The following PTPN3 variants were observed in gnomAD, a reference collection of about 807,000 sequenced individuals.
PTPN3 encodes the protein tyrosine-protein phosphatase non-receptor type 3.
Under a neutral mutation model 132.7 loss-of-function variants are expected in PTPN3, and 96 were observed. The ratio of observed to expected loss-of-function variants is 0.72; its 90% confidence interval spans 0.61 to 0.86. The LOEUF (loss-of-function observed/expected upper bound fraction) is 0.86, where lower values mean the gene tolerates loss of function less well. Among genes scored for constraint, PTPN3 ranks in the 40% least tolerant of loss-of-function variants. The probability of loss-of-function intolerance (pLI) is 0.00; values close to 1 mark genes in which losing one functional copy is unlikely to be tolerated. For missense variants in PTPN3, 1,125 were observed against 1,159.6 expected (o/e 0.97, Z 0.43); for synonymous variants, 398 against 429.0 (o/e 0.93, Z 0.89).
chr9:109,513,952 C>T, the PTPN3 span, among the ~76,000 whole-genome samples: 4 of 152,082 alleles, frequency 2.6e-5, no homozygotes, highest in Non-Finnish European at 5.9e-5. Context: ...CTGGGTGTTC[C>T]ACATGTACTT....
At chr9:109,381,854 A>G (rs750779146) in intron 24 of PTPN3, 67 bp from the exon 25 acceptor site, 51 of 1,585,604 alleles carry the variant, frequency 3.2e-5, no homozygotes, top group Non-Finnish European at 4.3e-5. Flanking sequence ...CCCAGCGAGC[A>G]GTTCCCCGCT....
chr9:109,457,603 C>G (rs1014229392), intron 2 of PTPN3, among the ~76,000 whole-genome samples: 2 of 151,616 alleles, frequency 1.3e-5, no homozygotes, highest in Non-Finnish European at 2.9e-5. Context: ...CAACACAAGA[C>G]AATACGAGTT....
the PTPN3 span, chr9:109,532,881 C>T: frequency 4.5e-6 from 5 of 1,108,444 alleles, no homozygotes; most frequent in Non-Finnish European, 6.0e-6. Context: ...TCTCAATTAT[C>T]AGCTGGTGGA....
chr9:109,404,519 C>T lies in PTPN3; in HGVS notation c.1882G>A (p.Asp628Asn), dbSNP rs1235067905. The change falls in exon 19 of 26, where the codon GAC (aspartate) becomes AAC (asparagine). Residue 628 changes from aspartate to asparagine, a missense_variant. Asp to Asn is a conservative substitution (Grantham distance 23). Transcript: ENST00000374541. Reference sequence around the variant, plus strand: ...TGTGCCATGGATCCCTCCAAAGTGTCCCCACCCTCCGGACACATGGGGAAA... The same window carrying T: ...TGTGCCATGGATCCCTCCAAAGTGTTCCCACCCTCCGGACACATGGGGAAA... ...AIFPMCPEGG[D>N]TLEGSMAQLK... 4.5e-6 allele frequency: 7 copies of T among 1,568,044 alleles called. No homozygotes were observed. Among genetic ancestry groups the T allele is most frequent in the African/African-American group, 1.3e-5 (1 of 74,508 alleles).
At chr9:109,494,116 C>G (rs1382651249) in intron 1 of PTPN3, among the ~76,000 whole-genome samples, 2 of 152,184 alleles carry the variant, frequency 1.3e-5, no homozygotes, top group Non-Finnish European at 2.9e-5. Flanking sequence ...AGGCCTGGCC[C>G]ATGTACAGAG....
intron 10 of PTPN3, among the ~76,000 whole-genome samples, chr9:109,431,672 T>C (rs2131899025): frequency 6.6e-6 from 1 of 152,344 alleles, no homozygotes; most frequent in Non-Finnish European, 1.5e-5. Flanking sequence ...AAAATAGATA[T>C]ATTGAAACTT....
At chr9:109,484,662 T>G (rs767890802) in intron 1 of PTPN3, among the ~76,000 whole-genome samples, 5 of 152,126 alleles carry the variant, frequency 3.3e-5, no homozygotes, top group African/African-American at 4.8e-5. Flanking sequence ...GTAGTGAGGT[T>G]TCTGGAGCAG....
At chr9:109,488,488 A>G (rs1214317412) in intron 1 of PTPN3, among the ~76,000 whole-genome samples, 2 of 152,218 alleles carry the variant, frequency 1.3e-5, no homozygotes, top group Admixed American at 1.3e-4. Flanking sequence ...CTTGCATTCT[A>G]GGAACCGGAA....
chr9:109,408,576 C>T (rs1841767119), intron 16 of PTPN3, among the ~76,000 whole-genome samples, 199 bp from the exon 17 acceptor site: 2 of 151,684 alleles, frequency 1.3e-5, no homozygotes, highest in Non-Finnish European at 2.9e-5. Context: ...ATTCCTGACC[C>T]CTCTGGATCC....
chr9:109,425,667 C>T (rs1843206756), intron 12 of PTPN3, among the ~76,000 whole-genome samples: 1 of 151,466 alleles, frequency 6.6e-6, no homozygotes. Context: ...GCCGAGATCA[C>T]TCTAGCCTGG....
intron 23 of PTPN3, 171 bp downstream of exon 23, chr9:109,383,252 G>A: frequency 8.7e-7 from 1 of 1,153,226 alleles, no homozygotes; most frequent in Admixed American, 1.8e-5. Flanking sequence ...GTTGTGACTA[G>A]GGCCACTGTG....
At chr9:109,503,889 T>G in the PTPN3 span, among the ~76,000 whole-genome samples, 2 of 152,168 alleles carry the variant, frequency 1.3e-5, no homozygotes, top group African/African-American at 2.4e-5. Flanking sequence ...GGCACTACTC[T>G]AAGTGCTTGG....
At position 109,460,798 on chromosome 9, in the gene PTPN3, C is replaced by G. The variant is rs535351598; in HGVS notation, c.138+2499G>C. Among the ~76,000 whole-genome samples the G allele has an allele frequency of 1.6e-3, 239 of 152,294 alleles. 1 individual carries two copies. Among genetic ancestry groups the G allele is most frequent in the Non-Finnish European group, 2.3e-3 (154 of 68,028 alleles). ...CAGCACATATTTTTTTATGGCCCAT[C>G]TCCCCTGCTGGGATGTTAGCTTCAA... On this transcript the variant is annotated intron_variant, in intron 2 of 25. Transcript: ENST00000374541.
Position 109,379,414 on chromosome 9 carries a change from A to G in PTPN3, c.*142T>C. On this transcript the variant is annotated 3_prime_UTR_variant, in exon 26 of 26. Coordinates refer to ENST00000374541, the MANE Select transcript of PTPN3 (RefSeq NM_002829.4). ...CCTATGTACACGATATCTTTTCTAT[A>G]GAAGTTTAAAGTGCCTGGGTTCAGA... 1.5e-6 allele frequency: 1 copy of G among 668,176 alleles called. No homozygotes were observed. The highest frequency in any genetic ancestry group is 2.6e-6 in the Non-Finnish European group (1 of 382,986). 41.4% of individuals were successfully genotyped at this position (668,176 alleles called of 1,614,324 possible).
chr9:109,403,063 C>G lies in PTPN3; in HGVS notation c.1953+1385G>C, dbSNP rs75964097. On this transcript the variant is annotated intron_variant, in intron 19 of 25. Transcript: ENST00000374541. ...ACTGCACTCCAACCTGGGTGACAGA[C>G]GCCCTGTCTCTAAATAAATAAATAT... Among the ~76,000 whole-genome samples, 1,227 of 152,228 alleles carry G rather than the reference C, an allele frequency of 8.1e-3. 15 individuals carry two copies. The highest frequency in any genetic ancestry group is 0.028 in the African/African-American group (1,164 of 41,546).
intron 10 of PTPN3, among the ~76,000 whole-genome samples, chr9:109,431,805 G>A (rs1374396565): frequency 1.3e-5 from 2 of 152,094 alleles, no homozygotes; most frequent in South Asian, 2.1e-4. Context: ...CAACTACTCT[G>A]ATTATTAGCT....
the PTPN3 span, among the ~76,000 whole-genome samples, chr9:109,526,648 G>C: frequency 2.0e-5 from 3 of 151,910 alleles, no homozygotes; most frequent in South Asian, 2.1e-4. Flanking sequence ...GCACTCCAGC[G>C]TAGGTGACAG....
intron 1 of PTPN3, among the ~76,000 whole-genome samples, chr9:109,482,478 T>C (rs1847007035): frequency 6.6e-6 from 1 of 152,250 alleles, no homozygotes; most frequent in African/African-American, 2.4e-5. Flanking sequence ...TTCTATTCTT[T>C]CAACTTTTCT....
chr9:109,392,585 A>G (rs1437541487), intron 19 of PTPN3: 1 of 152,184 alleles, frequency 6.6e-6, no homozygotes. Context: ...AAAAAATGAG[A>G]TTGAACAACA....
Sources: gnomAD v4.1 joint callset for allele counts (sites outside exome capture counted in the v4.1 genomes callset) on GRCh38, gnomAD v4.1.1 for gene constraint, MANE v1.5 for transcripts, NCBI Gene and HGNC (gene_info 2026-07-23, HGNC 2026-07-21) for gene names.